The following SCAPER variants were observed in gnomAD, a reference collection of about 807,000 sequenced individuals.
The protein encoded by SCAPER is S-phase cyclin A associated protein in the ER, also known as S phase cyclin A-associated protein in the endoplasmic reticulum.
A neutral mutation model predicts 182.2 loss-of-function variants in SCAPER; 98 were observed. The observed-to-expected ratio is 0.54, with a 90% CI of 0.46 to 0.64. SCAPER has a LOEUF of 0.64. Ranked by LOEUF, SCAPER falls within the 30% of genes least tolerant of loss-of-function variation. SCAPER has a pLI of 0.00. For missense variants in SCAPER, 1,432 were observed against 1,690.0 expected (o/e 0.85, Z 2.68); for synonymous variants, 605 against 564.6 (o/e 1.07, Z -1.01).
intron 21 of SCAPER, among the ~76,000 whole-genome samples, chr15:76,625,411 G>A (rs1030414453): frequency 6.6e-6 from 1 of 152,180 alleles, no homozygotes; most frequent in Non-Finnish European, 1.5e-5. Context: ...TGGCAGGGAA[G>A]TTCATTCTTG....
intron 27 of SCAPER, among the ~76,000 whole-genome samples, chr15:76,400,426 C>T (rs905916303): frequency 6.6e-6 from 1 of 152,118 alleles, no homozygotes; most frequent in African/African-American, 2.4e-5. Flanking sequence ...ATGCATGCAA[C>T]AAAATGCTTG....
intron 24 of SCAPER, among the ~76,000 whole-genome samples, chr15:76,490,707 T>C (rs776368465): frequency 6.6e-6 from 1 of 152,214 alleles, no homozygotes; most frequent in African/African-American, 2.4e-5. Context: ...ATGAATTCAC[T>C]GTCAAGATCA....
At chr15:76,582,561 ATAAG>A (rs1391118011) in intron 22 of SCAPER, among the ~76,000 whole-genome samples, 1 of 152,232 alleles carries the variant, frequency 6.6e-6, no homozygotes, top group Non-Finnish European at 1.5e-5. Flanking sequence ...TACTAACGAA[ATAAG>A]TATTTTTCTA....
At chr15:76,650,333 T>C (rs917891504) in intron 21 of SCAPER, among the ~76,000 whole-genome samples, 11 of 151,790 alleles carry the variant, frequency 7.2e-5, no homozygotes, top group Non-Finnish European at 1.0e-4. Flanking sequence ...AAAAAGATAC[T>C]ATGCAAAAAA....
At chr15:76,658,797 T>C (rs1208851531) in intron 21 of SCAPER, among the ~76,000 whole-genome samples, 3 of 152,126 alleles carry the variant, frequency 2.0e-5, no homozygotes, top group Non-Finnish European at 4.4e-5. Context: ...TTTGACAAAG[T>C]TGACAAGAAC....
intron 14 of SCAPER, among the ~76,000 whole-genome samples, chr15:76,763,925 G>T (rs1257834802): frequency 6.6e-6 from 1 of 151,212 alleles, no homozygotes; most frequent in East Asian, 2.0e-4. Flanking sequence ...CAGTTATTTT[G>T]AATATTTTGT....
chr15:76,765,962 T>G (rs537231593), intron 11 of SCAPER, among the ~76,000 whole-genome samples: 1 of 152,330 alleles, frequency 6.6e-6, no homozygotes, highest in South Asian at 2.1e-4. Flanking sequence ...TTGTTTGGCA[T>G]TAAAATTTAA....
At chr15:76,659,545 T>C (rs1401549803) in intron 21 of SCAPER, among the ~76,000 whole-genome samples, 1 of 152,164 alleles carries the variant, frequency 6.6e-6, no homozygotes, top group African/African-American at 2.4e-5. Flanking sequence ...GTTGGGATTG[T>C]AGGCGCGAGC....
intron 16 of SCAPER, 69 bp downstream of exon 16, chr15:76,733,160 C>A: frequency 7.0e-7 from 1 of 1,429,164 alleles, no homozygotes; most frequent in Non-Finnish European, 9.4e-7. Flanking sequence ...AACCCACCGA[C>A]CCTGCGGGGC....
chr15:76,867,636 T>G (rs2072393950), intron 2 of SCAPER, among the ~76,000 whole-genome samples: 1 of 152,208 alleles, frequency 6.6e-6, no homozygotes, highest in Non-Finnish European at 1.5e-5. Flanking sequence ...GCCTATACAC[T>G]AAATGATATA....
intron 24 of SCAPER, among the ~76,000 whole-genome samples, chr15:76,488,034 C>T (rs903868659): frequency 3.3e-5 from 5 of 152,246 alleles, no homozygotes; most frequent in South Asian, 4.2e-4. Flanking sequence ...CCCATTCCCA[C>T]TCTCCCACCC....
At chr15:76,778,725 T>C (rs892569340) in intron 8 of SCAPER, among the ~76,000 whole-genome samples, 1 of 152,010 alleles carries the variant, frequency 6.6e-6, no homozygotes, top group Non-Finnish European at 1.5e-5. Flanking sequence ...AGTATTAGTT[T>C]AAGTACATTT....
At chr15:76,411,075 C>A (rs960757759) in intron 26 of SCAPER, among the ~76,000 whole-genome samples, 1 of 152,184 alleles carries the variant, frequency 6.6e-6, no homozygotes, top group South Asian at 2.1e-4. Flanking sequence ...ACATACTCAT[C>A]ATCACAGAAA....
At chr15:76,352,378 G>A (rs555842645) in intron 30 of SCAPER, among the ~76,000 whole-genome samples, 1 of 151,724 alleles carries the variant, frequency 6.6e-6, no homozygotes, top group African/African-American at 2.4e-5. Flanking sequence ...TATTTGCAGT[G>A]CCCAGCACAC....
chr15:76,355,566 T>C (rs2040900786), intron 29 of SCAPER, among the ~76,000 whole-genome samples: 1 of 152,120 alleles, frequency 6.6e-6, no homozygotes, highest in East Asian at 1.9e-4. Context: ...TTCCCCTCCT[T>C]GGACAAAAAT....
At chr15:76,487,861 G>A (rs1249581842) in intron 24 of SCAPER, among the ~76,000 whole-genome samples, 1 of 152,136 alleles carries the variant, frequency 6.6e-6, no homozygotes, top group Non-Finnish European at 1.5e-5. Flanking sequence ...GGGATAACAA[G>A]AGGTTTGAGA....
In SCAPER at chr15:76,774,903, G is replaced by C. The variant is rs1333604008; in HGVS notation, c.987C>G (p.Pro329=). ...GGTCACAAGAGTGTAATGAGTCTTT[G>C]GGATGAGATTCTATAGTATTAGAAG... ...DGTSNTIESH[P]KDSLHSCDHP... The change falls in exon 9 of 32, where the codon CCC becomes CCG. Residue 329 remains proline (P), a synonymous_variant. Coordinates refer to ENST00000563290, the MANE Select transcript of SCAPER (RefSeq NM_020843.4). 6.2e-7 allele frequency: 1 copy of C among 1,613,540 alleles called. No homozygotes were observed. Among genetic ancestry groups the C allele is most frequent in the African/African-American group, 1.3e-5 (1 of 75,022 alleles).
chr15:76,456,701 T>G (rs935869065), intron 25 of SCAPER, among the ~76,000 whole-genome samples: 9 of 152,228 alleles, frequency 5.9e-5, no homozygotes, highest in African/African-American at 2.2e-4. Flanking sequence ...TCTGTTAAAA[T>G]ATCCATCTCT....
intron 21 of SCAPER, among the ~76,000 whole-genome samples, chr15:76,658,021 C>G (rs2055818673): frequency 1.3e-5 from 2 of 152,112 alleles, no homozygotes; most frequent in East Asian, 3.9e-4. Flanking sequence ...AGGATTCCCA[C>G]TATCACCACT....
Sources: gnomAD v4.1 joint callset for allele counts (sites outside exome capture counted in the v4.1 genomes callset) on GRCh38, gnomAD v4.1.1 for gene constraint, MANE v1.5 for transcripts, NCBI Gene and HGNC (gene_info 2026-07-23, HGNC 2026-07-21) for gene names.